The following MACF1 variants were observed in gnomAD, a reference collection of about 807,000 sequenced individuals.
The protein encoded by MACF1 is microtubule actin crosslinking factor 1, also known as microtubule-actin cross-linking factor 1.
A neutral mutation model predicts 854.8 loss-of-function variants in MACF1; 193 were observed. That is an observed-to-expected ratio of 0.23 (90% CI 0.20 to 0.25). The LOEUF (loss-of-function observed/expected upper bound fraction) is 0.25, where lower values mean the gene tolerates loss of function less well. Among genes scored for constraint, MACF1 ranks in the 10% least tolerant of loss-of-function variants. The pLI is 1.00. For synonymous variants in MACF1, 3,185 were observed against 3,226.7 expected, an observed-to-expected ratio of 0.99 and a Z score of 0.44; for missense variants, 7,722 against 8,929.1, an observed-to-expected ratio of 0.86 and a Z score of 5.45.
intron 2 of MACF1, among the ~76,000 whole-genome samples, chr1:39,125,594 T>C (rs1642839456): frequency 6.6e-6 from 1 of 152,250 alleles, no homozygotes; most frequent in Non-Finnish European, 1.5e-5. Flanking sequence ...TGTCCTTTTC[T>C]GTAATGGTAT....
intron 2 of MACF1, among the ~76,000 whole-genome samples, chr1:39,136,799 G>T (rs1643182899): frequency 6.6e-6 from 1 of 151,882 alleles, no homozygotes; most frequent in African/African-American, 2.4e-5. Context: ...TTTTAAAAAA[G>T]AATCTATTTT....
chr1:39,204,772 C>A lies in MACF1; in HGVS notation c.-251C>A, dbSNP rs985024002. The A allele has an allele frequency of 7.1e-6, 3 of 422,636 alleles. No homozygotes were observed. Among genetic ancestry groups the A allele is most frequent in the Non-Finnish European group, 1.3e-5 (3 of 234,170 alleles). The allele number at this position is 422,636 out of a possible 1,614,324, so 26.2% of individuals were successfully genotyped here. On this transcript the variant is annotated 5_prime_UTR_variant, in exon 1 of 101. Transcript: ENST00000564288. Reference sequence around the variant, plus strand: ...GTTCCTTCTTCCCTTTCCCCTCCCCCGCTGGCCAGTTGTTTCCTGGGCTTT... The same window carrying A: ...GTTCCTTCTTCCCTTTCCCCTCCCCAGCTGGCCAGTTGTTTCCTGGGCTTT...
Position 39,285,744 on chromosome 1 carries a change from A to C in MACF1, c.1494A>C (p.Glu498Asp). The change falls in exon 14 of 101, where the codon GAA (glutamate) becomes GAC (aspartate). Residue 498 changes from glutamate (E) to aspartate (D), a missense_variant. By Grantham distance (45) the Glu-to-Asp change is conservative. Coordinates refer to ENST00000564288, the MANE Select transcript of MACF1 (RefSeq NM_001394062.1). Reference sequence around the variant, plus strand: ...GGGATGAGAATTACTACCAGCTAGAAGAGCTGGCTTTTAGGTGAGGAACAA... The same window carrying C: ...GGGATGAGAATTACTACCAGCTAGACGAGCTGGCTTTTAGGTGAGGAACAA... ...ILRDENYYQLEELAFRVMRLQ... is the reference protein window; with the variant it reads ...ILRDENYYQLDELAFRVMRLQ... 6.2e-7 allele frequency: 1 copy of C among 1,614,126 alleles called. No homozygotes were observed. The highest frequency in any genetic ancestry group is 8.5e-7 in the Non-Finnish European group (1 of 1,179,998).
At chr1:39,209,123 ATACCTG>A (rs1224301739) in intron 1 of MACF1, among the ~76,000 whole-genome samples, 2 of 151,908 alleles carry the variant, frequency 1.3e-5, no homozygotes, top group Non-Finnish European at 2.9e-5. Flanking sequence ...GTAGTGGCAC[ATACCTG>A]TAATCCCAGC....
chr1:39,474,751 A>G (rs910205660), intron 97 of MACF1, among the ~76,000 whole-genome samples: 1 of 152,190 alleles, frequency 6.6e-6, no homozygotes, highest in Admixed American at 6.5e-5. Flanking sequence ...ATGTGTGTAT[A>G]TACTGCGCTC....
chr1:39,100,370 G>A (rs1406611981), intron 2 of MACF1, among the ~76,000 whole-genome samples: 1 of 152,200 alleles, frequency 6.6e-6, no homozygotes, highest in Non-Finnish European at 1.5e-5. Flanking sequence ...ACACACAAGG[G>A]TGTCATTGGA....
At chr1:39,220,716 C>G (rs1279755563) in intron 1 of MACF1, among the ~76,000 whole-genome samples, 1 of 151,836 alleles carries the variant, frequency 6.6e-6, no homozygotes, top group East Asian at 1.9e-4. Flanking sequence ...AACTCCGGAC[C>G]TCAAGTGATC....
At chr1:39,125,439 A>AT (rs1213664648) in intron 2 of MACF1, among the ~76,000 whole-genome samples, 6 of 152,198 alleles carry the variant, frequency 3.9e-5, no homozygotes, top group African/African-American at 1.4e-4. Context: ...ATAAGATAAT[A>AT]CGTATTAGCA....
rs1254496512 is a variant in MACF1 at position 39,452,264 on chromosome 1, C to G, written c.20527C>G (p.Gln6843Glu). 1 of 1,614,216 alleles carries G rather than the reference C, an allele frequency of 6.2e-7. No individual in the cohort carries two copies. The highest frequency in any genetic ancestry group is 8.5e-7 in the Non-Finnish European group (1 of 1,180,034). The change falls in exon 86 of 101, where the codon CAG (glutamine) becomes GAG (glutamate). Residue 6843 changes from glutamine (Q) to glutamate (E), a missense_variant. By Grantham distance (29) the Gln-to-Glu change is conservative. Coordinates refer to ENST00000564288, the MANE Select transcript of MACF1 (RefSeq NM_001394062.1). ...SRDDTTWVKG[Q>E]LQELSTRWDT... is the part of the protein sequence containing the mutation. ...AGATGACACCACTTGGGTAAAAGGA[C>G]AGCTCCAGGAACTGAGCACTCGCTG...
chr1:39,292,930 G>T, intron 17 of MACF1, 87 bp downstream of exon 17: 1 of 1,111,914 alleles, frequency 9.0e-7, no homozygotes, highest in Non-Finnish European at 1.3e-6. Flanking sequence ...AAATCTCCTG[G>T]TTTGGCCCTG....
At chr1:39,315,978 A>G (rs1044183348) in intron 27 of MACF1, among the ~76,000 whole-genome samples, 10 of 152,238 alleles carry the variant, frequency 6.6e-5, no homozygotes, top group Non-Finnish European at 8.8e-5. Context: ...ACTTAATGGC[A>G]TAAAGACAAA....
chr1:39,316,295 A>G, intron 27 of MACF1, 96 bp from the exon 28 acceptor site: 1 of 971,154 alleles, frequency 1.0e-6, no homozygotes, highest in Non-Finnish European at 1.4e-6. Context: ...GATTTTGGTT[A>G]TTATGTTTTA....
At chr1:39,140,335 A>G (rs886271413) in intron 2 of MACF1, among the ~76,000 whole-genome samples, 1 of 152,158 alleles carries the variant, frequency 6.6e-6, no homozygotes, top group Non-Finnish European at 1.5e-5. Context: ...ACTTGCTACT[A>G]TGGGTTAGAA....
chr1:39,119,991 C>T (rs1470419079), intron 2 of MACF1, among the ~76,000 whole-genome samples: 1 of 147,370 alleles, frequency 6.8e-6, no homozygotes, highest in Non-Finnish European at 1.5e-5. Context: ...TCAAGCGATT[C>T]TACTGCCTCA....
upstream of MACF1, among the ~76,000 whole-genome samples, chr1:39,201,955 CTTTTTTTTTTTTTTTTTTT>C (rs748333630): frequency 1.9e-4 from 10 of 52,360 alleles, no homozygotes; most frequent in East Asian, 6.7e-3. Context: ...TGCTCATATT[CTTTTTTTTTTTTTTTTTTT>C]TTTTTTTTTT....
intron 2 of MACF1, among the ~76,000 whole-genome samples, chr1:39,233,778 T>A (rs1443699199): frequency 1.3e-5 from 1 of 77,294 alleles, no homozygotes; most frequent in East Asian, 3.5e-4. Flanking sequence ...GCCATAGCTT[T>A]TTTTTTTTTT....
chr1:39,118,410 A>C (rs1042199951), intron 2 of MACF1, among the ~76,000 whole-genome samples: 8 of 152,252 alleles, frequency 5.3e-5, no homozygotes, highest in Non-Finnish European at 7.3e-5. Flanking sequence ...TGAGGTCCTC[A>C]TACCTTTCAG....
At chr1:39,360,445 G>T (rs1648090411) in intron 47 of MACF1, among the ~76,000 whole-genome samples, 1 of 151,864 alleles carries the variant, frequency 6.6e-6, no homozygotes, top group African/African-American at 2.4e-5. Flanking sequence ...TTTGTATGCA[G>T]TAAATAACTA....
Position 39,237,646 on chromosome 1 carries a change from A to G in MACF1, c.171+6403A>G, listed in dbSNP as rs139058519. ...GATACAGCTAGTGAGGGATGGAGCT[A>G]AGGATCAATCAATCATGAATCTTCT... On this transcript the variant is annotated intron_variant, in intron 2 of 100. Coordinates refer to ENST00000564288, the MANE Select transcript of MACF1 (RefSeq NM_001394062.1). Among the ~76,000 whole-genome samples the G allele has an allele frequency of 8.7e-4, 133 of 152,258 alleles. 2 individuals carry two copies. The East Asian group carries it at 0.023, about 27-fold the overall frequency.
Sources: allele counts gnomAD v4.1 joint callset (sites outside exome capture counted in the v4.1 genomes callset), GRCh38; gene constraint gnomAD v4.1.1; transcripts MANE v1.5; gene names NCBI Gene and HGNC (gene_info 2026-07-23, HGNC 2026-07-21).